PGAP1: variants seen among roughly 807,000 people sequenced by gnomAD.
PGAP1 encodes post-GPI attachment to proteins inositol deacylase 1.
In PGAP1, 76 loss-of-function variants were observed where a neutral mutation model predicts 127.0. The ratio of observed to expected loss-of-function variants is 0.60; its 90% CI spans 0.50 to 0.72. The LOEUF (loss-of-function observed/expected upper bound fraction) is 0.72, where lower values mean the gene tolerates loss of function less well. Ranked by LOEUF, PGAP1 falls within the 30% of genes least tolerant of loss-of-function variation. The pLI is 0.00. For missense variants in PGAP1, 982 were observed against 1,071.3 expected, an observed-to-expected ratio of 0.92 and a Z score of 1.16; for synonymous variants, 362 against 366.5, an observed-to-expected ratio of 0.99 and a Z score of 0.14.
chr2:196,904,951 T>C (rs1702645135), intron 4 of PGAP1, among the ~76,000 whole-genome samples: 1 of 152,174 alleles, frequency 6.6e-6, no homozygotes, highest in South Asian at 2.1e-4. Flanking sequence ...GGGAATCTAC[T>C]TCTGAGGTCA....
chr2:196,838,734 T>C lies in PGAP1; in HGVS notation c.*2500A>G, dbSNP rs1490727505. ...ATATTTGAGTGAGAATTAGTGTACC[T>C]AGTCTGCTGCTTTAAAAAGTAAATG... On this transcript the variant is annotated 3_prime_UTR_variant, in exon 27 of 27. Transcript: ENST00000354764. 5.9e-5 allele frequency: 9 copies of C among 152,174 alleles called. No homozygotes were observed. Among genetic ancestry groups the C allele is most frequent in the Admixed American group, 5.2e-4 (8 of 15,264 alleles). 9.4% of individuals were successfully genotyped at this position (152,174 alleles called of 1,614,324 possible).
intron 5 of PGAP1, among the ~76,000 whole-genome samples, chr2:196,901,459 T>C (rs1168072672): frequency 1.3e-5 from 2 of 152,198 alleles, no homozygotes; most frequent in Admixed American, 6.5e-5. Context: ...GGTATAACTA[T>C]GAAACAGTGA....
intron 10 of PGAP1, among the ~76,000 whole-genome samples, chr2:196,888,631 A>G (rs1701995091): frequency 6.6e-6 from 1 of 152,010 alleles, no homozygotes; most frequent in South Asian, 2.1e-4. Context: ...GCATGGGGGA[A>G]AGGGGGTGGG....
chr2:196,847,153 A>G lies in PGAP1; in HGVS notation c.2000T>C (p.Leu667Ser), dbSNP rs1310892893. The G allele has an allele frequency of 6.2e-7, 1 of 1,613,200 alleles. No homozygotes were observed. Among genetic ancestry groups the G allele is most frequent in the Admixed American group, 1.7e-5 (1 of 60,022 alleles). The change falls in exon 22 of 27, where the codon TTA becomes TCA. Residue 667 changes from leucine to serine, a missense_variant. Leu to Ser is a moderately radical substitution (Grantham distance 145). Transcript: ENST00000354764. ...ELWDVLLLPE[L>S]DAVILTCQSM... ...CTGACAAGTTAAAATGACGGCATCT[A>G]ATTCTGGTAACAATAATACATCCCA...
chr2:196,870,793 A>G, intron 19 of PGAP1, 148 bp downstream of exon 19: 1 of 526,858 alleles, frequency 1.9e-6, no homozygotes, highest in East Asian at 3.1e-5. Context: ...AGAAGCAACT[A>G]CAGCAGTGGC....
rs550427659 is a variant in PGAP1, at chr2:196,916,551, A to G, written c.344T>C (p.Ile115Thr). 52 of 1,613,354 alleles carry G rather than the reference A, an allele frequency of 3.2e-5. No individual in the cohort carries two copies. In the South Asian group the frequency reaches 5.4e-4, roughly 17 times the overall value. ...GSIALRKAED[I>T]DFKYHFDFFS... Reference sequence around the variant, plus strand: ...GAAGTCAAAGTGGTACTTGAAGTCAATGTCCTCTGCTTTTCTAAGTGCAAT... The same window carrying G: ...GAAGTCAAAGTGGTACTTGAAGTCAGTGTCCTCTGCTTTTCTAAGTGCAAT... The change falls in exon 3 of 27, where the codon ATT (isoleucine) becomes ACT (threonine). Residue 115 changes from isoleucine (I) to threonine (T), a missense_variant. Ile to Thr is a moderately conservative substitution (Grantham distance 89, BLOSUM62 -1). Coordinates refer to ENST00000354764, the MANE Select transcript of PGAP1 (RefSeq NM_024989.4).
chr2:196,880,060 T>G lies in PGAP1; in HGVS notation c.1350+16A>C. On this transcript the variant is annotated intron_variant, in intron 13 of 26. Coordinates refer to ENST00000354764, the MANE Select transcript of PGAP1 (RefSeq NM_024989.4). ...TCTCCAAAACATTCTAATAACAATC[T>G]TAACCCACTTGTTACCTTACTTCCA... is the stretch of plus-strand genomic sequence containing the variant. 6.4e-7 allele frequency: 1 copy of G among 1,564,532 alleles called. No individual in the cohort carries two copies. Among genetic ancestry groups the G allele is most frequent in the Non-Finnish European group, 8.8e-7 (1 of 1,138,204 alleles).
At chr2:196,894,619 G>A (rs1397033581) in intron 7 of PGAP1, among the ~76,000 whole-genome samples, 1 of 152,086 alleles carries the variant, frequency 6.6e-6, no homozygotes, top group Non-Finnish European at 1.5e-5. Context: ...TGGCTAACAC[G>A]TAGAAACCCT....
At chr2:196,919,935 T>C in intron 2 of PGAP1, 62 bp downstream of exon 2, 2 of 1,506,866 alleles carry the variant, frequency 1.3e-6, no homozygotes, top group African/African-American at 1.4e-5. Flanking sequence ...CGAGTATGGA[T>C]ATGATTCAAA....
chr2:196,887,513 C>T (rs1056026588), intron 10 of PGAP1, among the ~76,000 whole-genome samples: 4 of 152,096 alleles, frequency 2.6e-5, no homozygotes, highest in Admixed American at 1.3e-4. Flanking sequence ...TGAAATCCTA[C>T]CAAGACATAA....
rs1408857049 is a variant in PGAP1 at position 196,836,894 on chromosome 2, T to C, written c.*4340A>G. On this transcript the variant is annotated 3_prime_UTR_variant, in exon 27 of 27. Coordinates refer to ENST00000354764, the MANE Select transcript of PGAP1 (RefSeq NM_024989.4). The stretch of plus-strand genomic sequence containing the variant: ...AGTAAATTTTACAAAGTATCTTGTT[T>C]CCTGTAATATACAAGTTCACAAATC... 2 of 152,174 alleles carry C rather than the reference T, an allele frequency of 1.3e-5. No individual in the cohort carries two copies. Among genetic ancestry groups the C allele is most frequent in the Admixed American group, 1.3e-4 (2 of 15,274 alleles). 9.4% of individuals were successfully genotyped at this position (152,174 alleles called of 1,614,324 possible). A position where few individuals can be genotyped will look rare whatever the true frequency, so the allele number is the denominator to read the frequency against.
chr2:196,854,659 C>T (rs1700821656), intron 20 of PGAP1, among the ~76,000 whole-genome samples: 1 of 152,164 alleles, frequency 6.6e-6, no homozygotes, highest in Non-Finnish European at 1.5e-5. Context: ...AGATTTTAAC[C>T]ATGACTATGA....
chr2:196,879,840 T>G (rs1158063893), intron 13 of PGAP1, among the ~76,000 whole-genome samples: 1 of 152,134 alleles, frequency 6.6e-6, no homozygotes, highest in African/African-American at 2.4e-5. Flanking sequence ...ATTCATAGAT[T>G]TTGAAAGACT....
chr2:196,921,105 G>A (rs1029857785), intron 1 of PGAP1, among the ~76,000 whole-genome samples: 3 of 151,532 alleles, frequency 2.0e-5, no homozygotes, highest in Non-Finnish European at 4.4e-5. Context: ...CATGTGGCAT[G>A]TGCTTGATAA....
At chr2:196,887,192 G>A (rs1451926642) in intron 10 of PGAP1, among the ~76,000 whole-genome samples, 1 of 152,000 alleles carries the variant, frequency 6.6e-6, no homozygotes, top group African/African-American at 2.4e-5. Flanking sequence ...AGACCCTCCT[G>A]GCTAACACGG....
At chr2:196,887,375 C>T (rs1279404098) in intron 10 of PGAP1, among the ~76,000 whole-genome samples, 2 of 152,134 alleles carry the variant, frequency 1.3e-5, no homozygotes, top group African/African-American at 4.8e-5. Context: ...CAGAGCGAGA[C>T]TCCATCTCAA....
chr2:196,864,331 A>G (rs1701164244), intron 20 of PGAP1, among the ~76,000 whole-genome samples: 1 of 142,528 alleles, frequency 7.0e-6, no homozygotes, highest in Non-Finnish European at 1.5e-5. Context: ...TGGAGGTTAC[A>G]GTGAACCGAG....
At chr2:196,842,895 G>A in intron 25 of PGAP1, 70 bp from the exon 26 acceptor site, 3 of 698,068 alleles carry the variant, frequency 4.3e-6, no homozygotes, top group Non-Finnish European at 6.8e-6. Flanking sequence ...AGAATCAAGA[G>A]GATAAATATT....
rs1439961085 is a variant in PGAP1, at chr2:196,839,789, A to T, written c.*1445T>A. 6.6e-6 allele frequency: 1 copy of T among 152,258 alleles called. No homozygotes were observed. The highest frequency in any genetic ancestry group is 1.5e-5 in the Non-Finnish European group (1 of 68,062). 9.4% of individuals were successfully genotyped at this position (152,258 alleles called of 1,614,324 possible). A position where few individuals can be genotyped will look rare whatever the true frequency, so the allele number is the denominator to read the frequency against. ...GAGGCTGTAATGGAATCCAGATGCA[A>T]TGGCAGATAAAATAAAACTGGTGCT... On this transcript the variant is annotated 3_prime_UTR_variant, in exon 27 of 27. Coordinates refer to ENST00000354764, the MANE Select transcript of PGAP1 (RefSeq NM_024989.4).
Sources: gnomAD v4.1 joint callset for allele counts (sites outside exome capture counted in the v4.1 genomes callset) on GRCh38, gnomAD v4.1.1 for gene constraint, MANE v1.5 for transcripts, NCBI Gene and HGNC (gene_info 2026-07-23, HGNC 2026-07-21) for gene names.